Variants in EXOC4 observed in about 807,000 individuals in gnomAD.
EXOC4 encodes exocyst complex component 4, also known as SEC8-like 1.
In EXOC4, 71 loss-of-function variants were observed where a neutral mutation model predicts 107.2. The ratio of observed to expected loss-of-function variants is 0.66; its 90% confidence interval spans 0.55 to 0.81. The LOEUF (loss-of-function observed/expected upper bound fraction) is 0.81. EXOC4 is among the 30% of genes least tolerant of loss of function. EXOC4 has a pLI of 0.00. For synonymous variants in EXOC4, 456 were observed against 441.2 expected (o/e 1.03, Z -0.42); for missense variants, 1,108 against 1,189.6 (o/e 0.93, Z 1.01).
intron 10 of EXOC4, among the ~76,000 whole-genome samples, chr7:133,728,474 G>A (rs1281041133): frequency 6.6e-6 from 1 of 152,076 alleles, no homozygotes; most frequent in Non-Finnish European, 1.5e-5. Flanking sequence ...TGACCATATC[G>A]AATGAATCAA....
intron 5 of EXOC4, among the ~76,000 whole-genome samples, chr7:133,344,201 T>C (rs1795732680): frequency 6.6e-6 from 1 of 152,146 alleles, no homozygotes; most frequent in Non-Finnish European, 1.5e-5. Flanking sequence ...TATCTTTTCT[T>C]AGTTTTTGAA....
At chr7:133,495,069 C>T (rs1008211463) in intron 9 of EXOC4, among the ~76,000 whole-genome samples, 12 of 151,974 alleles carry the variant, frequency 7.9e-5, no homozygotes, top group South Asian at 2.1e-4. Context: ...ATCAGGAGTT[C>T]GAGACCAACC....
chr7:133,739,979 G>T (rs1051703736), intron 10 of EXOC4, among the ~76,000 whole-genome samples: 1 of 152,028 alleles, frequency 6.6e-6, no homozygotes, highest in Non-Finnish European at 1.5e-5. Context: ...TAAGGGTAAA[G>T]GATTCTAATG....
chr7:133,275,456 C>G (rs541721416), intron 2 of EXOC4, among the ~76,000 whole-genome samples: 1 of 152,138 alleles, frequency 6.6e-6, no homozygotes, highest in Non-Finnish European at 1.5e-5. Flanking sequence ...TTGTGTCTTA[C>G]GATCCATCCC....
At chr7:133,334,098 T>G (rs570070188) in intron 5 of EXOC4, among the ~76,000 whole-genome samples, 2 of 152,372 alleles carry the variant, frequency 1.3e-5, no homozygotes, top group South Asian at 4.1e-4. Flanking sequence ...TGTTTTTATT[T>G]CATTTGAGTT....
chr7:133,702,311 A>G (rs548720240), intron 10 of EXOC4, among the ~76,000 whole-genome samples: 21 of 40,152 alleles, frequency 5.2e-4, no homozygotes, highest in African/African-American at 1.5e-3. Flanking sequence ...GTCGCCACCA[A>G]CGATGCTGGT....
chr7:133,818,446 C>T (rs1186301237), intron 11 of EXOC4, among the ~76,000 whole-genome samples: 1 of 152,100 alleles, frequency 6.6e-6, no homozygotes, highest in African/African-American at 2.4e-5. Context: ...ATATGTTTCC[C>T]TTGATTTTTC....
chr7:133,713,922 G>A (rs1031373791), intron 10 of EXOC4, among the ~76,000 whole-genome samples: 1 of 152,058 alleles, frequency 6.6e-6, no homozygotes, highest in African/African-American at 2.4e-5. Flanking sequence ...GTTCTTTATA[G>A]CAGTATGAAA....
intron 9 of EXOC4, among the ~76,000 whole-genome samples, chr7:133,596,711 TC>T (rs963317911): frequency 5.3e-5 from 8 of 152,132 alleles, no homozygotes; most frequent in Non-Finnish European, 8.8e-5. Context: ...TCAGCTTGGT[TC>T]CAGGATGGGC....
At chr7:133,475,251 TGG>T in intron 7 of EXOC4, 75 bp from the exon 8 acceptor site, 1 of 1,244,698 alleles carries the variant, frequency 8.0e-7, no homozygotes, top group Non-Finnish European at 1.1e-6. Context: ...TAGATTTGCA[TGG>T]TTTTAAAATA....
chr7:133,476,372 A>G (rs2150850938), intron 8 of EXOC4, among the ~76,000 whole-genome samples: 1 of 152,320 alleles, frequency 6.6e-6, no homozygotes, highest in Non-Finnish European at 1.5e-5. Flanking sequence ...TGGCAGTCTT[A>G]CTTTAGATCT....
At chr7:133,294,831 A>C (rs1343684653) in intron 3 of EXOC4, among the ~76,000 whole-genome samples, 1 of 152,092 alleles carries the variant, frequency 6.6e-6, no homozygotes, top group Non-Finnish European at 1.5e-5. Context: ...ATTGGATAAC[A>C]TGGTGGGTTG....
chr7:134,088,545 C>T, the EXOC4 span, among the ~76,000 whole-genome samples: 7 of 152,136 alleles, frequency 4.6e-5, no homozygotes, highest in African/African-American at 1.7e-4. Flanking sequence ...TAGTTTACTC[C>T]ATGCAGTTAA....
At position 133,823,565 on chromosome 7, in the gene EXOC4, A is replaced by G. The variant is rs563100648; in HGVS notation, c.1734+6021A>G. Among the ~76,000 whole-genome samples the G allele has an allele frequency of 2.0e-5, 3 of 151,890 alleles. No homozygotes were observed. The East Asian group carries it at 5.9e-4, about 30-fold the overall frequency. On this transcript the variant is annotated intron_variant, in intron 11 of 17. Transcript: ENST00000253861. ...CATGGTGGCTCACACCTGTAATCCC[A>G]TCACTTTGGGAGGCCGAGGCGGATG...
intron 11 of EXOC4, among the ~76,000 whole-genome samples, chr7:133,834,901 G>A (rs1585185882): frequency 6.6e-6 from 1 of 152,132 alleles, no homozygotes; most frequent in East Asian, 1.9e-4. Flanking sequence ...ATGGGTTGGG[G>A]GGGTCTTTCC....
chr7:133,912,938 G>C (rs10808273), intron 12 of EXOC4, among the ~76,000 whole-genome samples: 71,020 of 151,820 alleles, frequency 0.47, 17,936 homozygotes, highest in African/African-American at 0.66. Flanking sequence ...AAAATAGCTT[G>C]CCCAAGTGAT....
chr7:133,993,097 A>G (rs1794300332), intron 14 of EXOC4, among the ~76,000 whole-genome samples: 1 of 152,100 alleles, frequency 6.6e-6, no homozygotes, highest in Non-Finnish European at 1.5e-5. Context: ...CCTGGGATGA[A>G]TCCCACTTGA....
chr7:133,346,822 G>A (rs1490054158), intron 5 of EXOC4, among the ~76,000 whole-genome samples: 1 of 152,096 alleles, frequency 6.6e-6, no homozygotes, highest in African/African-American at 2.4e-5. Flanking sequence ...TGTATCATGC[G>A]TAGTATAAGG....
intron 9 of EXOC4, among the ~76,000 whole-genome samples, chr7:133,534,213 A>G (rs548865351): frequency 6.6e-6 from 1 of 152,090 alleles, no homozygotes; most frequent in Non-Finnish European, 1.5e-5. Context: ...TTAGTGTAGG[A>G]TTTGATTAAT....
Sources: allele counts gnomAD v4.1 joint callset (sites outside exome capture counted in the v4.1 genomes callset), GRCh38; gene constraint gnomAD v4.1.1; transcripts MANE v1.5; gene names NCBI Gene and HGNC (gene_info 2026-07-23, HGNC 2026-07-21).